Variants in GABRG3 observed in about 807,000 individuals in gnomAD.
GABRG3 encodes gamma-aminobutyric acid type A receptor subunit gamma3.
In GABRG3, 25 loss-of-function variants were observed where a neutral mutation model predicts 48.8. The observed-to-expected ratio is 0.51, with a 90% CI of 0.37 to 0.72. The LOEUF (loss-of-function observed/expected upper bound fraction) is 0.72, where lower values mean the gene tolerates loss of function less well. Among genes scored for constraint, GABRG3 ranks in the 30% least tolerant of loss-of-function variants. The pLI is 0.00. For synonymous variants in GABRG3, 227 were observed against 217.6 expected (o/e 1.04, Z -0.38); for missense variants, 394 against 577.9 (o/e 0.68, Z 3.26).
chr15:27,402,071 G>C (rs372868178), intron 5 of GABRG3, among the ~76,000 whole-genome samples: 24 of 152,270 alleles, frequency 1.6e-4, no homozygotes, highest in African/African-American at 5.8e-4. Flanking sequence ...AAAGGGCAAT[G>C]CTTCATAGAG....
intron 3 of GABRG3, among the ~76,000 whole-genome samples, chr15:27,155,625 T>C (rs1167881016): frequency 6.6e-6 from 1 of 152,180 alleles, no homozygotes; most frequent in Non-Finnish European, 1.5e-5. Flanking sequence ...GCTACAGAAG[T>C]CCAGTTTCCG....
chr15:27,188,620 G>C (rs1012310561), intron 3 of GABRG3, among the ~76,000 whole-genome samples: 1 of 151,300 alleles, frequency 6.6e-6, no homozygotes, highest in Non-Finnish European at 1.5e-5. Flanking sequence ...GTAGATTCTG[G>C]ATATTAGCCC....
chr15:27,334,727 T>C (rs986699889), intron 5 of GABRG3, among the ~76,000 whole-genome samples: 5 of 152,188 alleles, frequency 3.3e-5, no homozygotes, highest in Non-Finnish European at 5.9e-5. Context: ...CTTGAACTTA[T>C]ACGATAGTTA....
intron 3 of GABRG3, among the ~76,000 whole-genome samples, chr15:27,272,308 G>A (rs1891116546): frequency 1.3e-5 from 2 of 152,210 alleles, no homozygotes; most frequent in East Asian, 1.9e-4. Context: ...GAGTATTTAG[G>A]TTCCACTGTC....
At chr15:26,995,222 C>A (rs1163092835) in intron 2 of GABRG3, among the ~76,000 whole-genome samples, 1 of 151,912 alleles carries the variant, frequency 6.6e-6, no homozygotes, top group Non-Finnish European at 1.5e-5. Context: ...TTTCTAGTAG[C>A]ATTTTCAGTT....
At chr15:26,980,901 A>G (rs377200851) in intron 2 of GABRG3, among the ~76,000 whole-genome samples, 36 of 152,224 alleles carry the variant, frequency 2.4e-4, no homozygotes, top group East Asian at 1.5e-3. Flanking sequence ...GTAGGGGAAC[A>G]GCAGACACTG....
chr15:27,366,138 C>G (rs1421635206), intron 5 of GABRG3: 1 of 152,114 alleles, frequency 6.6e-6, no homozygotes, highest in Admixed American at 6.6e-5. Flanking sequence ...GCATCTGAAT[C>G]CAAAGACATC....
chr15:27,483,974 A>C (rs1337744630), intron 6 of GABRG3, among the ~76,000 whole-genome samples: 1 of 151,984 alleles, frequency 6.6e-6, no homozygotes, highest in African/African-American at 2.4e-5. Context: ...CACTCTTGCT[A>C]CCCACGCTGG....
intron 5 of GABRG3, among the ~76,000 whole-genome samples, chr15:27,477,434 A>G (rs1889973689): frequency 6.6e-6 from 1 of 152,172 alleles, no homozygotes; most frequent in Non-Finnish European, 1.5e-5. Context: ...GGAGGAATGA[A>G]TAGGTGGAGC....
intron 5 of GABRG3, among the ~76,000 whole-genome samples, chr15:27,451,245 G>C (rs910140031): frequency 3.3e-5 from 5 of 151,938 alleles, no homozygotes; most frequent in African/African-American, 1.2e-4. Flanking sequence ...TTCTCATAAA[G>C]AACAACAAAG....
At chr15:27,271,482 C>T in intron 3 of GABRG3, 1 of 451,664 alleles carries the variant, frequency 2.2e-6, no homozygotes, top group South Asian at 1.6e-5. Flanking sequence ...AGGCCATGCC[C>T]TCAGAGCAAC....
intron 3 of GABRG3, among the ~76,000 whole-genome samples, chr15:27,162,007 C>G (rs529680607): frequency 7.2e-4 from 109 of 152,254 alleles, no homozygotes; most frequent in Middle Eastern, 3.4e-3. Context: ...AATAAACTTA[C>G]ACATACACTA....
chr15:27,111,670 C>T (rs147120806), intron 3 of GABRG3, among the ~76,000 whole-genome samples: 3 of 152,274 alleles, frequency 2.0e-5, no homozygotes, highest in East Asian at 1.9e-4. Context: ...CGCCTTGTAG[C>T]TGTTTCAGCT....
chr15:27,259,359 G>A (rs543493776), intron 3 of GABRG3, among the ~76,000 whole-genome samples: 1 of 152,228 alleles, frequency 6.6e-6, no homozygotes, highest in East Asian at 1.9e-4. Context: ...TTGTGCCATT[G>A]GGCTCCGTCC....
At chr15:27,010,254 A>T (rs1404483545) in intron 2 of GABRG3, among the ~76,000 whole-genome samples, 1 of 152,118 alleles carries the variant, frequency 6.6e-6, no homozygotes, top group African/African-American at 2.4e-5. Flanking sequence ...CCCCTCCTCC[A>T]TAGGCACCTT....
rs185865916 is a variant in GABRG3 at position 27,308,085 on chromosome 15, C to A, written c.271-18724C>A. Among the ~76,000 whole-genome samples, 520 of 126,022 alleles carry A rather than the reference C, an allele frequency of 4.1e-3. 81 individuals are homozygous for A. The highest frequency in any genetic ancestry group is 0.015 in the African/African-American group (488 of 32,240). The allele number at this position is 126,022 out of a possible 152,430, so 82.7% of individuals were successfully genotyped here. On this transcript the variant is annotated intron_variant, in intron 3 of 9. Transcript: ENST00000615808. ...ATATAAACATATATGTTTATACATCCAAACATATATAAACATATATGTTTA... is the reference window on the plus strand; with the variant it reads ...ATATAAACATATATGTTTATACATCAAAACATATATAAACATATATGTTTA...
At chr15:27,044,998 A>T (rs1896338322) in intron 3 of GABRG3, among the ~76,000 whole-genome samples, 1 of 152,258 alleles carries the variant, frequency 6.6e-6, no homozygotes, top group African/African-American at 2.4e-5. Flanking sequence ...ATTTAACAGC[A>T]GTCTAACAAT....
chr15:27,001,018 C>G (rs59287961), intron 2 of GABRG3, among the ~76,000 whole-genome samples: 1 of 152,168 alleles, frequency 6.6e-6, no homozygotes, highest in African/African-American at 2.4e-5. Context: ...TCTTCTCACA[C>G]ACATGCACTG....
chr15:27,173,184 A>G (rs1032231313), intron 3 of GABRG3, among the ~76,000 whole-genome samples: 1 of 152,192 alleles, frequency 6.6e-6, no homozygotes, highest in African/African-American at 2.4e-5. Context: ...TTCTAGCTCT[A>G]AAGTTGATCT....
Sources: allele counts gnomAD v4.1 joint callset (sites outside exome capture counted in the v4.1 genomes callset), GRCh38; gene constraint gnomAD v4.1.1; transcripts MANE v1.5; gene names NCBI Gene and HGNC (gene_info 2026-07-23, HGNC 2026-07-21).